The following FER variants were observed in gnomAD, a reference collection of about 807,000 sequenced individuals.
The protein encoded by FER is FER tyrosine kinase, also known as tyrosine-protein kinase Fer.
FER carries 63 observed loss-of-function variants against 111.0 expected under a neutral mutation model. The observed-to-expected ratio is 0.57, with a 90% confidence interval of 0.46 to 0.70. FER has a LOEUF of 0.70. FER is among the 30% of genes least tolerant of loss of function. The pLI is 0.00. For missense variants in FER, 914 were observed against 954.0 expected, an observed-to-expected ratio of 0.96 and a Z score of 0.55; for synonymous variants, 327 against 313.9, an observed-to-expected ratio of 1.04 and a Z score of -0.44.
chr5:108,867,625 A>G (rs1580958815), intron 5 of FER, 142 bp from the exon 6 acceptor site: 6 of 773,310 alleles, frequency 7.8e-6, no homozygotes, highest in Admixed American at 2.8e-5. Flanking sequence ...AGCTAAGCAC[A>G]TATTATGTGT....
At chr5:108,924,222 C>T (rs746251235) in intron 10 of FER, among the ~76,000 whole-genome samples, 6 of 151,578 alleles carry the variant, frequency 4.0e-5, no homozygotes, top group Non-Finnish European at 8.8e-5. Context: ...TAGCCAGGCA[C>T]GGTGGTGGGC....
rs143139795 is a variant in FER at position 108,999,620 on chromosome 5, G to A, written c.1657-37802G>A. Among the ~76,000 whole-genome samples the A allele has an allele frequency of 1.3e-4, 19 of 151,994 alleles. No individual in the cohort carries two copies. The East Asian group carries it at 2.9e-3, about 23-fold the overall frequency. ...GTTAATTTTATTAGATGTTGCTAAG[G>A]TGCTTCCCAATATGTTTGTACCAAT... On this transcript the variant is annotated intron_variant, in intron 13 of 19. Transcript: ENST00000281092.
At chr5:108,884,884 A>G (rs1746868778) in intron 9 of FER, among the ~76,000 whole-genome samples, 1 of 152,040 alleles carries the variant, frequency 6.6e-6, no homozygotes, top group Admixed American at 6.6e-5. Context: ...ATTGCTAGCT[A>G]AATTTAGAAA....
At chr5:108,962,107 T>G (rs1436714369) in intron 13 of FER, among the ~76,000 whole-genome samples, 1 of 152,144 alleles carries the variant, frequency 6.6e-6, no homozygotes, top group Admixed American at 6.5e-5. Flanking sequence ...TTATGCACAT[T>G]CACTCAGAGG....
At chr5:108,940,099 A>T (rs1294802448) in intron 10 of FER, among the ~76,000 whole-genome samples, 1 of 152,084 alleles carries the variant, frequency 6.6e-6, no homozygotes, top group Non-Finnish European at 1.5e-5. Context: ...ACCAAACCCC[A>T]CAAAATAACA....
chr5:109,050,715 T>G (rs143033120), intron 16 of FER, among the ~76,000 whole-genome samples: 3 of 152,176 alleles, frequency 2.0e-5, no homozygotes, highest in African/African-American at 7.2e-5. Context: ...TCTGTGGGCC[T>G]TGTCTGAATT....
At position 108,967,759 on chromosome 5, in the gene FER, C is replaced by CAAAAAAAAAAAAAA. The variant is rs774855414; in HGVS notation, c.1656+8423_1656+8436dup. On this transcript the variant is annotated intron_variant, in intron 13 of 19. Coordinates refer to ENST00000281092, the MANE Select transcript of FER (RefSeq NM_005246.4). ...TGGGCGACAAAGCGAGACTCCGTCTCAAAAAAAAAAAAAAAAAAAAAAAAC... is the reference window on the plus strand; with the variant it reads ...TGGGCGACAAAGCGAGACTCCGTCTCAAAAAAAAAAAAAAAAAAAAAAAAAAAAAAAAAAAAAAC... Among the ~76,000 whole-genome samples the CAAAAAAAAAAAAAA allele has an allele frequency of 2.4e-3, 82 of 34,444 alleles. 1 individual carries two copies. The highest frequency in any genetic ancestry group is 6.3e-3 in the South Asian group (5 of 794). The allele number at this position is 34,444 out of a possible 152,430, so 22.6% of individuals were successfully genotyped here.
chr5:108,950,823 C>T (rs563444736), intron 11 of FER, among the ~76,000 whole-genome samples: 100 of 152,176 alleles, frequency 6.6e-4, no homozygotes, highest in African/African-American at 2.3e-3. Flanking sequence ...ATTACATTTC[C>T]CTTTCACTGC....
chr5:108,784,993 G>A (rs1754520481), intron 2 of FER: 1 of 262,536 alleles, frequency 3.8e-6, no homozygotes, highest in Non-Finnish European at 7.5e-6. Flanking sequence ...AGATTTGGGG[G>A]CCTGTTCCCA....
intron 16 of FER, among the ~76,000 whole-genome samples, chr5:109,058,264 A>C (rs1486103259): frequency 1.3e-5 from 2 of 152,216 alleles, no homozygotes; most frequent in Admixed American, 1.3e-4. Context: ...TGAATGAATG[A>C]CAAATGACTA....
intron 17 of FER, among the ~76,000 whole-genome samples, chr5:109,166,411 A>G (rs1756562641): frequency 6.6e-6 from 1 of 152,120 alleles, no homozygotes; most frequent in African/African-American, 2.4e-5. Context: ...GAAAGAAGCA[A>G]GTAATTAGCT....
intron 17 of FER, among the ~76,000 whole-genome samples, chr5:109,120,896 G>C (rs1390312837): frequency 1.3e-5 from 2 of 151,964 alleles, no homozygotes; most frequent in African/African-American, 4.8e-5. Context: ...TTTTCAACTT[G>C]TTTGCTGTTG....
chr5:108,806,777 A>G (rs186437625), intron 3 of FER, among the ~76,000 whole-genome samples: 1 of 152,300 alleles, frequency 6.6e-6, no homozygotes, highest in East Asian at 1.9e-4. Flanking sequence ...CATTGTATCT[A>G]GGAAGTAACT....
At chr5:108,948,443 G>C (rs1757303210) in intron 11 of FER, among the ~76,000 whole-genome samples, 1 of 151,980 alleles carries the variant, frequency 6.6e-6, no homozygotes, top group Admixed American at 6.6e-5. Flanking sequence ...TGTACCAAAG[G>C]GGTTAAAATC....
intron 17 of FER, among the ~76,000 whole-genome samples, chr5:109,110,302 C>A (rs561686209): frequency 5.5e-4 from 83 of 152,034 alleles, no homozygotes; most frequent in Non-Finnish European, 1.0e-3. Flanking sequence ...GATAATAGGA[C>A]AAAAGAGAAA....
At chr5:108,951,894 C>T (rs1202449683) in intron 11 of FER, among the ~76,000 whole-genome samples, 1 of 151,926 alleles carries the variant, frequency 6.6e-6, no homozygotes, top group East Asian at 1.9e-4. Flanking sequence ...TTAGCCTGGA[C>T]CAGGGTAAGG....
intron 13 of FER, among the ~76,000 whole-genome samples, chr5:108,980,646 A>G (rs1937892940): frequency 6.6e-6 from 1 of 152,132 alleles, no homozygotes; most frequent in African/African-American, 2.4e-5. Flanking sequence ...GATCAAAGGA[A>G]GCATTTAGAA....
intron 9 of FER, chr5:108,894,367 C>T (rs149003129): frequency 6.1e-6 from 6 of 984,336 alleles, no homozygotes; most frequent in Admixed American, 6.0e-5. Context: ...TGCAAGGGTT[C>T]CTTCCTTGCT....
chr5:109,006,736 G>A (rs1256405652), intron 13 of FER, among the ~76,000 whole-genome samples: 1 of 151,998 alleles, frequency 6.6e-6, no homozygotes, highest in African/African-American at 2.4e-5. Context: ...GTAAAAAATT[G>A]TAATCTAAGT....
Sources: allele counts gnomAD v4.1 joint callset (sites outside exome capture counted in the v4.1 genomes callset), GRCh38; gene constraint gnomAD v4.1.1; transcripts MANE v1.5; gene names NCBI Gene and HGNC (gene_info 2026-07-23, HGNC 2026-07-21).